ALK: variants seen among roughly 807,000 people sequenced by gnomAD.
The protein encoded by ALK is ALK receptor tyrosine kinase, also known as ALK tyrosine kinase receptor.
Under a neutral mutation model 163.1 loss-of-function variants are expected in ALK, and 74 were observed. That is an observed-to-expected ratio of 0.45 (90% CI 0.38 to 0.55). ALK has a LOEUF of 0.55. ALK is among the 20% of genes least tolerant of loss of function. The pLI, the probability that ALK is intolerant of heterozygous loss-of-function variation, is 0.00. For missense variants in ALK, 2,063 were observed against 2,105.3 expected (o/e 0.98, Z 0.39); for synonymous variants, 960 against 843.2 (o/e 1.14, Z -2.40).
intron 3 of ALK, among the ~76,000 whole-genome samples, chr2:29,609,639 T>A (rs1675634678): frequency 9.8e-6 from 1 of 102,262 alleles, no homozygotes; most frequent in African/African-American, 4.3e-5. Flanking sequence ...ACAGAACATA[T>A]TTACATTTTT....
intron 1 of ALK, among the ~76,000 whole-genome samples, chr2:29,730,636 G>C (rs1679713595): frequency 1.3e-5 from 2 of 152,118 alleles, no homozygotes; most frequent in Admixed American, 1.3e-4. Context: ...AATCAGAGAG[G>C]CTAAGCCAGT....
chr2:29,867,260 A>G (rs577699599), intron 1 of ALK, among the ~76,000 whole-genome samples: 13 of 152,358 alleles, frequency 8.5e-5, no homozygotes, highest in Admixed American at 7.2e-4. Context: ...TGTCCCTTTA[A>G]GGAAGTTTAG....
chr2:29,359,250 G>T (rs971402792), intron 5 of ALK, among the ~76,000 whole-genome samples: 1 of 152,210 alleles, frequency 6.6e-6, no homozygotes, highest in Non-Finnish European at 1.5e-5. Context: ...ATGGAGTCAA[G>T]GTTTGCATTG....
intron 3 of ALK, among the ~76,000 whole-genome samples, chr2:29,635,808 A>T (rs1676506514): frequency 6.6e-6 from 1 of 150,988 alleles, no homozygotes; most frequent in Non-Finnish European, 1.5e-5. Flanking sequence ...TTTAAGTTCT[A>T]GGGTACATGT....
chr2:29,601,827 T>C (rs938437812), intron 3 of ALK, among the ~76,000 whole-genome samples: 9 of 152,018 alleles, frequency 5.9e-5, no homozygotes, highest in Admixed American at 5.2e-4. Flanking sequence ...GGATGCCCCT[T>C]ACCAGACTCA....
chr2:29,625,053 T>G (rs1250323025), intron 3 of ALK, among the ~76,000 whole-genome samples: 1 of 152,158 alleles, frequency 6.6e-6, no homozygotes, highest in Non-Finnish European at 1.5e-5. Flanking sequence ...TGTGTCAGGT[T>G]AGTGTGGGGA....
At chr2:29,631,540 C>T (rs1676375979) in intron 3 of ALK, among the ~76,000 whole-genome samples, 1 of 152,224 alleles carries the variant, frequency 6.6e-6, no homozygotes, top group Non-Finnish European at 1.5e-5. Flanking sequence ...AGTTGGAAAT[C>T]CCAGCTCTGC....
chr2:29,658,717 ATT>A (rs1344920559), intron 3 of ALK, among the ~76,000 whole-genome samples: 4 of 152,170 alleles, frequency 2.6e-5, no homozygotes, highest in African/African-American at 9.6e-5. Context: ...ATGCTAGTAT[ATT>A]TACTTTCTAG....
At chr2:29,570,272 C>A (rs1234288224) in intron 3 of ALK, among the ~76,000 whole-genome samples, 1 of 152,166 alleles carries the variant, frequency 6.6e-6, no homozygotes, top group Non-Finnish European at 1.5e-5. Context: ...GCGATCAATG[C>A]TCCGGATGTC....
chr2:29,758,184 G>A (rs1641205766), intron 1 of ALK, among the ~76,000 whole-genome samples: 1 of 151,670 alleles, frequency 6.6e-6, no homozygotes, highest in Non-Finnish European at 1.5e-5. Context: ...CTAATTTTTT[G>A]TCTTTTTAGT....
chr2:29,594,174 C>T (rs983479685), intron 3 of ALK, among the ~76,000 whole-genome samples: 3 of 152,112 alleles, frequency 2.0e-5, no homozygotes, highest in African/African-American at 4.8e-5. Context: ...GAATTAACTA[C>T]ATTATATTTT....
intron 4 of ALK, among the ~76,000 whole-genome samples, chr2:29,510,859 C>T (rs181423226): frequency 6.6e-6 from 1 of 152,222 alleles, no homozygotes; most frequent in East Asian, 1.9e-4. Flanking sequence ...GAAGGTGATT[C>T]GTGAATCAGA....
intron 4 of ALK, among the ~76,000 whole-genome samples, chr2:29,386,319 A>G (rs1669030531): frequency 6.6e-6 from 1 of 152,218 alleles, no homozygotes; most frequent in Non-Finnish European, 1.5e-5. Flanking sequence ...CTGTTACCGT[A>G]CCCAGCAGGA....
At chr2:29,572,995 T>G (rs896584222) in intron 3 of ALK, among the ~76,000 whole-genome samples, 1 of 152,216 alleles carries the variant, frequency 6.6e-6, no homozygotes. Flanking sequence ...GCTTCTGAGC[T>G]CACCATCCCG....
chr2:29,479,983 T>C (rs55898935), intron 4 of ALK, among the ~76,000 whole-genome samples: 37,402 of 152,186 alleles, frequency 0.25, 5,755 homozygotes, highest in Non-Finnish European at 0.34. Flanking sequence ...TCTCACTCCC[T>C]TCAACTAACC....
chr2:29,286,221 T>C (rs1266242058), intron 9 of ALK, among the ~76,000 whole-genome samples: 5 of 152,214 alleles, frequency 3.3e-5, no homozygotes, highest in African/African-American at 1.2e-4. Flanking sequence ...TGCTACTGTT[T>C]GCCTGTGGAG....
intron 9 of ALK, among the ~76,000 whole-genome samples, chr2:29,279,688 T>G (rs1665657266): frequency 6.6e-6 from 1 of 152,168 alleles, no homozygotes; most frequent in Admixed American, 6.5e-5. Flanking sequence ...AGAGGTTGCT[T>G]CTGGCACCGC....
intron 23 of ALK, 22 bp from the exon 24 acceptor site, chr2:29,214,103 CCA>C: frequency 6.2e-7 from 1 of 1,605,064 alleles, no homozygotes; most frequent in Admixed American, 1.7e-5. Flanking sequence ...CAGAAGCGGG[CCA>C]CTGACGAGGA....
intron 4 of ALK, among the ~76,000 whole-genome samples, chr2:29,514,497 C>T (rs1672609214): frequency 2.0e-5 from 3 of 152,170 alleles, no homozygotes; most frequent in Admixed American, 2.0e-4. Context: ...TTGAAGACTA[C>T]TCCTGCATGC....
Sources: gnomAD v4.1 joint callset for allele counts (sites outside exome capture counted in the v4.1 genomes callset) on GRCh38, gnomAD v4.1.1 for gene constraint, MANE v1.5 for transcripts, NCBI Gene and HGNC (gene_info 2026-07-23, HGNC 2026-07-21) for gene names.